Variants in TMEM178B observed in about 807,000 individuals in gnomAD.
The protein encoded by TMEM178B is transmembrane protein 178B.
TMEM178B carries 5 observed loss-of-function variants against 31.0 expected under a neutral mutation model. That is an observed-to-expected ratio of 0.16 (90% CI 0.08 to 0.34). TMEM178B has a LOEUF of 0.34. TMEM178B is among the 10% of genes least tolerant of loss of function. TMEM178B has a pLI of 1.00. For missense variants in TMEM178B, 275 were observed against 400.3 expected (o/e 0.69, Z 2.67); for synonymous variants, 164 against 164.0 (o/e 1.00, Z 0.00).
At chr7:141,138,087 A>C (rs944644977) in intron 1 of TMEM178B, among the ~76,000 whole-genome samples, 4 of 149,158 alleles carry the variant, frequency 2.7e-5, no homozygotes, top group Non-Finnish European at 1.5e-5. Flanking sequence ...TTTGAGACAG[A>C]GTCTCGCTCA....
intron 1 of TMEM178B, among the ~76,000 whole-genome samples, chr7:141,103,222 C>A (rs185789138): frequency 1.6e-3 from 247 of 152,332 alleles, no homozygotes; most frequent in Admixed American, 2.9e-3. Context: ...AGGAAGAAAC[C>A]AGTCTAGACC....
At chr7:141,147,977 A>G (rs537305412) in intron 1 of TMEM178B, among the ~76,000 whole-genome samples, 5 of 152,278 alleles carry the variant, frequency 3.3e-5, no homozygotes, top group African/African-American at 1.2e-4. Context: ...ACTGCCACAA[A>G]CCTAGTGGCT....
intron 2 of TMEM178B, among the ~76,000 whole-genome samples, chr7:141,406,922 T>A (rs1025616075): frequency 6.6e-5 from 10 of 152,172 alleles, no homozygotes; most frequent in African/African-American, 1.9e-4. Flanking sequence ...AGTTTCACTG[T>A]AATGAATTAG....
chr7:141,215,748 A>G (rs1225870062), intron 2 of TMEM178B, among the ~76,000 whole-genome samples: 3 of 151,624 alleles, frequency 2.0e-5, no homozygotes, highest in Non-Finnish European at 4.4e-5. Context: ...AAATATTTGG[A>G]CTTTGGTTAA....
chr7:141,172,584 G>A (rs1463446031), intron 1 of TMEM178B, among the ~76,000 whole-genome samples: 1 of 152,186 alleles, frequency 6.6e-6, no homozygotes, highest in Admixed American at 6.5e-5. Context: ...CGGTTTCAGA[G>A]CCTCTTGAGA....
At chr7:141,404,102 G>A (rs1295944364) in intron 2 of TMEM178B, among the ~76,000 whole-genome samples, 2 of 152,264 alleles carry the variant, frequency 1.3e-5, no homozygotes, top group East Asian at 1.9e-4. Flanking sequence ...TCAGGAGCTC[G>A]AGACCATCCT....
chr7:141,279,416 C>T (rs1437878845), intron 2 of TMEM178B, among the ~76,000 whole-genome samples: 3 of 152,176 alleles, frequency 2.0e-5, no homozygotes, highest in East Asian at 1.9e-4. Context: ...TAAGCTGGCA[C>T]TCCTTTTATG....
At chr7:141,365,599 A>G (rs1390867421) in intron 2 of TMEM178B, among the ~76,000 whole-genome samples, 1 of 152,232 alleles carries the variant, frequency 6.6e-6, no homozygotes, top group Non-Finnish European at 1.5e-5. Context: ...TTCTGTTTTC[A>G]GTGGAAGATA....
chr7:141,305,156 T>C (rs1360186081), intron 2 of TMEM178B, among the ~76,000 whole-genome samples: 2 of 152,148 alleles, frequency 1.3e-5, no homozygotes, highest in Non-Finnish European at 2.9e-5. Context: ...TGAACCTCAA[T>C]CACCTTTCCA....
the TMEM178B span, among the ~76,000 whole-genome samples, chr7:141,501,054 G>A: frequency 2.0e-5 from 3 of 152,346 alleles, no homozygotes; most frequent in South Asian, 2.1e-4. Flanking sequence ...TGTATAGTTT[G>A]TTATCTCTAA....
At chr7:141,166,963 G>C (rs1796272383) in intron 1 of TMEM178B, among the ~76,000 whole-genome samples, 1 of 152,128 alleles carries the variant, frequency 6.6e-6, no homozygotes, top group Non-Finnish European at 1.5e-5. Context: ...TTTCCTCTCA[G>C]TCTCATGTTA....
chr7:141,483,790 C>CA (rs1340797762), downstream of TMEM178B, among the ~76,000 whole-genome samples: 1 of 150,210 alleles, frequency 6.7e-6, no homozygotes, highest in Non-Finnish European at 1.5e-5. Flanking sequence ...GGCTGGAGTG[C>CA]AGTAGCACGA....
intron 3 of TMEM178B, among the ~76,000 whole-genome samples, chr7:141,459,125 G>T (rs945867198): frequency 3.3e-5 from 5 of 152,188 alleles, no homozygotes; most frequent in East Asian, 1.9e-4. Context: ...CGCCTCCGGG[G>T]TTCAAGCAAT....
downstream of TMEM178B, among the ~76,000 whole-genome samples, chr7:141,482,535 C>T (rs761553952): frequency 1.3e-5 from 2 of 152,140 alleles, no homozygotes; most frequent in Admixed American, 6.5e-5. Context: ...CTGGTCTGAA[C>T]CAAACTAAAG....
intron 1 of TMEM178B, among the ~76,000 whole-genome samples, chr7:141,195,570 T>A (rs1796768897): frequency 6.6e-6 from 1 of 152,188 alleles, no homozygotes; most frequent in Non-Finnish European, 1.5e-5. Flanking sequence ...CTCTAGAAAG[T>A]TCTAAACTTT....
chr7:141,233,319 G>T (rs981124770), intron 2 of TMEM178B, among the ~76,000 whole-genome samples: 2 of 152,220 alleles, frequency 1.3e-5, no homozygotes, highest in African/African-American at 4.8e-5. Flanking sequence ...ATGTGAGAGT[G>T]GTTGTTAGGT....
intron 2 of TMEM178B, among the ~76,000 whole-genome samples, chr7:141,219,696 A>T (rs898090224): frequency 1.3e-5 from 2 of 152,122 alleles, no homozygotes; most frequent in Non-Finnish European, 2.9e-5. Flanking sequence ...GTCCTCCCAG[A>T]GCTCTGGTGG....
chr7:141,474,187 A>T lies in TMEM178B; in HGVS notation c.*3401A>T, dbSNP rs1385549813. 1 of 152,000 alleles carries T rather than the reference A, an allele frequency of 6.6e-6. No individual in the cohort carries two copies. Among genetic ancestry groups the T allele is most frequent in the South Asian group, 2.1e-4 (1 of 4,818 alleles). 9.4% of individuals were successfully genotyped at this position (152,000 alleles called of 1,614,324 possible). ...CTTTTATTTCCTTCCCTACTCTACTACCTTGAGATTCAGGAAAGTGAGGTA... is the reference window on the plus strand; with the variant it reads ...CTTTTATTTCCTTCCCTACTCTACTTCCTTGAGATTCAGGAAAGTGAGGTA... On this transcript the variant is annotated 3_prime_UTR_variant, in exon 4 of 4. Coordinates refer to ENST00000565468, the MANE Select transcript of TMEM178B (RefSeq NM_001195278.2).
intron 1 of TMEM178B, among the ~76,000 whole-genome samples, chr7:141,094,281 A>C (rs1436161170): frequency 6.6e-6 from 1 of 152,234 alleles, no homozygotes. Flanking sequence ...GCAAGGCATC[A>C]ATTATTTTAC....
Sources: gnomAD v4.1 joint callset for allele counts (sites outside exome capture counted in the v4.1 genomes callset) on GRCh38, gnomAD v4.1.1 for gene constraint, MANE v1.5 for transcripts, NCBI Gene and HGNC (gene_info 2026-07-23, HGNC 2026-07-21) for gene names.